The following GDPD5 variants were observed in gnomAD, a reference collection of about 807,000 sequenced individuals.
The protein encoded by GDPD5 is glycerophosphodiester phosphodiesterase domain containing 5.
GDPD5 carries 48 observed loss-of-function variants against 75.1 expected under a neutral mutation model. The ratio of observed to expected loss-of-function variants is 0.64; its 90% CI spans 0.51 to 0.81. The LOEUF (loss-of-function observed/expected upper bound fraction) is 0.81. Among genes scored for constraint, GDPD5 ranks in the 40% least tolerant of loss-of-function variants. The pLI is 0.00. For missense variants in GDPD5, 706 were observed against 822.6 expected (o/e 0.86, Z 1.73); for synonymous variants, 336 against 339.0 (o/e 0.99, Z 0.10).
chr11:75,478,658 T>C (rs1393373372), intron 2 of GDPD5, among the ~76,000 whole-genome samples: 4 of 152,252 alleles, frequency 2.6e-5, no homozygotes, highest in African/African-American at 4.8e-5. Context: ...TCTGCTGTAT[T>C]CCCAGTAACT....
At chr11:75,519,592 G>A (rs867115499) in intron 1 of GDPD5, among the ~76,000 whole-genome samples, 3 of 152,172 alleles carry the variant, frequency 2.0e-5, no homozygotes, top group Middle Eastern at 3.2e-3. Context: ...TGCTTTACAC[G>A]TATAATTCAT....
chr11:75,449,521 C>T lies in GDPD5; in HGVS notation c.564G>A (p.Arg188=). 6.4e-7 allele frequency: 1 copy of T among 1,570,612 alleles called. No homozygotes were observed. The highest frequency in any genetic ancestry group is 8.6e-7 in the Non-Finnish European group (1 of 1,157,800). ...GCCCTTCACAGTTCTACTCACAGGT[C>T]CGCTCTGCGCGGGCGAACTGTCCTG... ...IVAGQFARAE[R]TSSQVTILCT... The change falls in exon 8 of 17, where the codon CGG becomes CGA. Residue 188 remains arginine (R), a synonymous_variant. Transcript: ENST00000336898.
intron 3 of GDPD5, among the ~76,000 whole-genome samples, chr11:75,468,277 A>G (rs1253333055): frequency 6.6e-6 from 1 of 152,202 alleles, no homozygotes; most frequent in East Asian, 1.9e-4. Flanking sequence ...AGAATTTCAG[A>G]ATCGCAGAGC....
At chr11:75,453,511 G>A (rs144527605) in intron 6 of GDPD5, among the ~76,000 whole-genome samples, 2,295 of 152,058 alleles carry the variant, frequency 0.015, 60 homozygotes, top group African/African-American at 0.052. Flanking sequence ...CCAGCTACTC[G>A]GGAGGCTGAG....
chr11:75,481,698 G>A (rs565272792), intron 2 of GDPD5, among the ~76,000 whole-genome samples: 1 of 152,206 alleles, frequency 6.6e-6, no homozygotes, highest in East Asian at 1.9e-4. Context: ...AGGGTCCACA[G>A]CCAGGGGAGC....
At chr11:75,449,478 C>A (rs1213122583) in intron 8 of GDPD5, 39 bp downstream of exon 8, 1 of 1,527,350 alleles carries the variant, frequency 6.5e-7, no homozygotes, top group Admixed American at 2.0e-5. Flanking sequence ...TTGGCACCTG[C>A]AGGGATTGGA....
intron 1 of GDPD5, among the ~76,000 whole-genome samples, chr11:75,498,517 T>C (rs1365091830): frequency 7.9e-6 from 1 of 126,080 alleles, no homozygotes; most frequent in African/African-American, 3.0e-5. Flanking sequence ...TCGTCACTGA[T>C]GCCCTCCGGG....
chr11:75,459,453 A>G (rs1225957206), intron 4 of GDPD5, among the ~76,000 whole-genome samples: 1 of 151,722 alleles, frequency 6.6e-6, no homozygotes. Context: ...ATAGGCACAT[A>G]CCACTGTGGC....
chr11:75,480,250 G>A (rs1282406233), intron 2 of GDPD5, among the ~76,000 whole-genome samples: 7 of 151,364 alleles, frequency 4.6e-5, no homozygotes, highest in Non-Finnish European at 8.8e-5. Flanking sequence ...CAAGAAAATC[G>A]CTTAAACCTG....
At position 75,442,342 on chromosome 11, in the gene GDPD5, AGCT is replaced by A; in HGVS notation, c.1167+18_1167+20del. On this transcript the variant is annotated intron_variant, in intron 12 of 16. Transcript: ENST00000336898. ...GCCAGGCCAGGGCTCCCGGGGGCAG[AGCT>A]GCGTTGCAGGGCCTCACCTGGTGCT... 6.5e-7 allele frequency: 1 copy of A among 1,528,952 alleles called. No individual in the cohort carries two copies. Among genetic ancestry groups the A allele is most frequent in the South Asian group, 1.2e-5 (1 of 82,376 alleles). The allele number at this position is 1,528,952 out of a possible 1,614,324, so 94.7% of individuals were successfully genotyped here. A position where few individuals can be genotyped will look rare whatever the true frequency, so the allele number is the denominator to read the frequency against.
At chr11:75,480,204 G>A (rs1393673578) in intron 2 of GDPD5, among the ~76,000 whole-genome samples, 3 of 151,902 alleles carry the variant, frequency 2.0e-5, no homozygotes, top group African/African-American at 7.3e-5. Context: ...GCATGGTGGT[G>A]GGCACCTGTA....
intron 11 of GDPD5, 24 bp downstream of exon 11, chr11:75,443,112 G>A (rs1317746257): frequency 1.3e-6 from 2 of 1,588,950 alleles, no homozygotes; most frequent in South Asian, 2.3e-5. Flanking sequence ...CCATGCCTAA[G>A]ATTGGGATCA....
chr11:75,471,126 C>T (rs1949653205), intron 3 of GDPD5, among the ~76,000 whole-genome samples: 1 of 152,220 alleles, frequency 6.6e-6, no homozygotes, highest in Admixed American at 6.5e-5. Context: ...CAATGGTCAG[C>T]CTGTTCCACC....
chr11:75,456,512 T>C, intron 6 of GDPD5: 1 of 559,134 alleles, frequency 1.8e-6, no homozygotes, highest in Non-Finnish European at 3.2e-6. Flanking sequence ...TGTACTTCAG[T>C]TTCCCCAACC....
At chr11:75,497,118 C>T (rs1040051238) in intron 1 of GDPD5, among the ~76,000 whole-genome samples, 1 of 151,910 alleles carries the variant, frequency 6.6e-6, no homozygotes, top group African/African-American at 2.4e-5. Context: ...AAACAGAGCT[C>T]GAGAGGGTTT....
intron 12 of GDPD5, 106 bp from the exon 13 acceptor site, chr11:75,441,909 C>A: frequency 2.6e-6 from 3 of 1,176,338 alleles, no homozygotes; most frequent in Non-Finnish European, 3.5e-6. Flanking sequence ...ACCTGGCAGG[C>A]GGTGAAAGCT....
At chr11:75,471,089 G>C (rs1336678808) in intron 3 of GDPD5, among the ~76,000 whole-genome samples, 1 of 152,206 alleles carries the variant, frequency 6.6e-6, no homozygotes, top group African/African-American at 2.4e-5. Context: ...CCACCTGCAA[G>C]CCAAATCTTG....
chr11:75,472,710 A>C (rs542138496), intron 3 of GDPD5, among the ~76,000 whole-genome samples: 55 of 152,200 alleles, frequency 3.6e-4, no homozygotes, highest in African/African-American at 1.0e-3. Context: ...TCATGAACAC[A>C]TATGCTCAAT....
intron 1 of GDPD5, among the ~76,000 whole-genome samples, chr11:75,520,444 G>A (rs757082123): frequency 2.0e-5 from 3 of 152,188 alleles, no homozygotes; most frequent in Non-Finnish European, 4.4e-5. Flanking sequence ...GGAGGGTGTG[G>A]CTCTGTGCCA....
Sources: gnomAD v4.1 joint callset for allele counts (sites outside exome capture counted in the v4.1 genomes callset) on GRCh38, gnomAD v4.1.1 for gene constraint, MANE v1.5 for transcripts, NCBI Gene and HGNC (gene_info 2026-07-23, HGNC 2026-07-21) for gene names.